SFTPB: variants seen among roughly 807,000 people sequenced by gnomAD.
The protein encoded by SFTPB is surfactant protein B, also known as pulmonary surfactant-associated protein B.
In SFTPB, 32 loss-of-function variants were observed where a neutral mutation model predicts 51.0. That is an observed-to-expected ratio of 0.63 (90% CI 0.47 to 0.84). SFTPB has a LOEUF of 0.84. Among genes scored for constraint, SFTPB ranks in the 40% least tolerant of loss-of-function variants. The pLI, the probability that SFTPB is intolerant of heterozygous loss-of-function variation, is 0.00. For synonymous variants in SFTPB, 211 were observed against 208.5 expected, an observed-to-expected ratio of 1.01 and a Z score of -0.10; for missense variants, 431 against 491.2, an observed-to-expected ratio of 0.88 and a Z score of 1.16.
chr2:85,666,404 TGTCCGGCC>T (rs1482208942), intron 4 of SFTPB: 1 of 532,138 alleles, frequency 1.9e-6, no homozygotes, highest in East Asian at 3.5e-5. Flanking sequence ...TGTGTGTGTG[TGTCCGGCC>T]AGCTGGGGTG....
intron 9 of SFTPB, 35 bp from the exon 10 acceptor site, chr2:85,661,570 G>T (rs760486731): frequency 7.1e-6 from 11 of 1,552,156 alleles, no homozygotes; most frequent in Non-Finnish European, 8.8e-6. Context: ...TGAGGCCTGG[G>T]CCCCCTCAGC....
chr2:85,661,707 C>T (rs1677308899), intron 9 of SFTPB, among the ~76,000 whole-genome samples, 172 bp from the exon 10 acceptor site: 1 of 152,154 alleles, frequency 6.6e-6, no homozygotes, highest in Non-Finnish European at 1.5e-5. Flanking sequence ...GGTTTAGAGC[C>T]TGAGGAGGTG....
chr2:85,663,925 G>T, intron 6 of SFTPB, 78 bp from the exon 7 acceptor site: 1 of 1,384,140 alleles, frequency 7.2e-7, no homozygotes, highest in Non-Finnish European at 9.8e-7. Context: ...ACCCAGCTGG[G>T]CACTTCCTAC....
rs1677507733 is a variant in SFTPB, at chr2:85,665,160, C to A, written c.672+129G>T. Reference sequence around the variant, plus strand: ...GGGTGGGGGCAATGCACAAGCGGCTCTCTCCCCTCCTAACTTCTGGCAGCC... The same window carrying A: ...GGGTGGGGGCAATGCACAAGCGGCTATCTCCCCTCCTAACTTCTGGCAGCC... On this transcript the variant is annotated intron_variant, in intron 6 of 10. Transcript: ENST00000519937. The A allele has an allele frequency of 3.8e-6, 3 of 799,348 alleles. No homozygotes were observed. In the Admixed American group the frequency reaches 5.1e-5, roughly 14 times the overall value. 49.5% of individuals were successfully genotyped at this position (799,348 alleles called of 1,614,324 possible).
chr2:85,657,586 G>A lies in SFTPB; in HGVS notation c.*2116C>T, dbSNP rs1020534120. ...GAAGATGGAAAAAGCCCCAAGCTCAGTGTCAAAACACACACCCTGCCGTAG... is the reference window on the plus strand; with the variant it reads ...GAAGATGGAAAAAGCCCCAAGCTCAATGTCAAAACACACACCCTGCCGTAG... On this transcript the variant is annotated 3_prime_UTR_variant, in exon 11 of 11. Coordinates refer to ENST00000519937, the MANE Select transcript of SFTPB (RefSeq NM_000542.5). 6.6e-6 allele frequency: 1 copy of A among 152,198 alleles called. No individual in the cohort carries two copies. The highest frequency in any genetic ancestry group is 1.5e-5 in the Non-Finnish European group (1 of 68,042). The allele number at this position is 152,198 out of a possible 1,614,324, so 9.4% of individuals were successfully genotyped here.
intron 5 of SFTPB, 92 bp downstream of exon 5, chr2:85,665,514 T>C: frequency 6.7e-7 from 1 of 1,501,176 alleles, no homozygotes; most frequent in Non-Finnish European, 9.2e-7. Context: ...CCTTCCCGGC[T>C]CTGCCTCTCC....
rs34073832 is a variant in SFTPB, at chr2:85,666,863, G to A, written c.268-121C>T. 468 of 1,305,944 alleles carry A rather than the reference G, an allele frequency of 3.6e-4. 2 individuals carry two copies. The highest frequency in any genetic ancestry group is 1.4e-3 in the Middle Eastern group (6 of 4,288). The allele number at this position is 1,305,944 out of a possible 1,614,324, so 80.9% of individuals were successfully genotyped here. A position where few individuals can be genotyped will look rare whatever the true frequency, so the allele number is the denominator to read the frequency against. ...AATCCCCCAGGGTGCTGGAGTTCACGAGTGCCAAGGAGTTAAGTAGTTGGG... is the reference window on the plus strand; with the variant it reads ...AATCCCCCAGGGTGCTGGAGTTCACAAGTGCCAAGGAGTTAAGTAGTTGGG... On this transcript the variant is annotated intron_variant, in intron 3 of 10. Coordinates refer to ENST00000519937, the MANE Select transcript of SFTPB (RefSeq NM_000542.5).
chr2:85,665,532 C>G (rs1677530762), intron 5 of SFTPB, 74 bp downstream of exon 5: 2 of 1,548,796 alleles, frequency 1.3e-6, no homozygotes, highest in East Asian at 2.3e-5. Flanking sequence ...TCCCAGGGCC[C>G]AGTGCCCATG....
intron 6 of SFTPB, among the ~76,000 whole-genome samples, chr2:85,664,901 G>A (rs1213618031): frequency 6.6e-6 from 1 of 152,222 alleles, no homozygotes; most frequent in South Asian, 2.1e-4. Flanking sequence ...GGCAAGGATG[G>A]GGAATCTATC....
Position 85,661,462 on chromosome 2 carries a change from C to G in SFTPB, c.*11G>C. 6.2e-7 allele frequency: 1 copy of G among 1,607,978 alleles called. No homozygotes were observed. The highest frequency in any genetic ancestry group is 8.5e-7 in the Non-Finnish European group (1 of 1,176,696). The stretch of plus-strand genomic sequence containing the variant: ...TGGGGGCCTGGACTCACCTGGACAG[C>G]TGAGTTCTCATCAAAGGTCGGGGCT... On this transcript the variant is annotated 3_prime_UTR_variant, in exon 10 of 11. Transcript: ENST00000519937.
chr2:85,660,467 T>C (rs1490535887), intron 10 of SFTPB, among the ~76,000 whole-genome samples: 1 of 117,820 alleles, frequency 8.5e-6, no homozygotes, highest in African/African-American at 4.3e-5. Flanking sequence ...TTTTTTTTCC[T>C]GAGACAGAGT....
At chr2:85,665,556 G>A in intron 5 of SFTPB, 50 bp downstream of exon 5, 11 of 1,597,478 alleles carry the variant, frequency 6.9e-6, no homozygotes, top group South Asian at 1.1e-5. Context: ...TTCGGAGGTG[G>A]CTCTAGCCCT....
chr2:85,662,222 A>T (rs1677343665), intron 8 of SFTPB, 113 bp from the exon 9 acceptor site: 1 of 1,536,380 alleles, frequency 6.5e-7, no homozygotes, highest in African/African-American at 1.4e-5. Context: ...CGACTCCTCC[A>T]TCAGCCCTCA....
chr2:85,665,880 T>G, intron 4 of SFTPB, 86 bp from the exon 5 acceptor site: 1 of 1,312,670 alleles, frequency 7.6e-7, no homozygotes, highest in Admixed American at 1.8e-5. Context: ...CAGGGACCAC[T>G]GGAATGGGAG....
At position 85,665,733 on chromosome 2, in the gene SFTPB, TGCTCTG is replaced by T; in HGVS notation, c.449_454del (p.Pro150_Glu151del). The T allele has an allele frequency of 6.2e-7, 1 of 1,614,224 alleles. No homozygotes were observed. Among genetic ancestry groups the T allele is most frequent in the Non-Finnish European group, 8.5e-7 (1 of 1,180,038 alleles). ...CAGGGGGTCTGACATCCCTGGCTCC[TGCTCTG>T]GCTCTGGCTGCCGGGATTTGCACAG... is the stretch of plus-strand genomic sequence containing the variant. On this transcript the variant is annotated inframe_deletion, in exon 5 of 11. Transcript: ENST00000519937.
chr2:85,666,169 GGTGT>G (rs56132282), intron 4 of SFTPB, among the ~76,000 whole-genome samples: 8 of 146,148 alleles, frequency 5.5e-5, no homozygotes, highest in East Asian at 2.0e-4. Flanking sequence ...TTGTGGACAG[GGTGT>G]GTGTGTGTGT....
chr2:85,660,323 C>T (rs1428590008), intron 10 of SFTPB, among the ~76,000 whole-genome samples: 4 of 117,748 alleles, frequency 3.4e-5, no homozygotes, highest in East Asian at 2.4e-4. Context: ...TTAGTAGATA[C>T]GGGGTTTCAT....
upstream of SFTPB, chr2:85,668,264 C>T: frequency 7.5e-7 from 1 of 1,329,004 alleles, no homozygotes; most frequent in African/African-American, 1.5e-5. Flanking sequence ...GTAGGAGTGG[C>T]AGCGACCTCA....
intron 9 of SFTPB, 136 bp downstream of exon 9, chr2:85,661,893 C>T (rs1677323296): frequency 1.3e-6 from 1 of 751,660 alleles, no homozygotes; most frequent in South Asian, 1.8e-5. Flanking sequence ...AGAGGGGTGC[C>T]TCCCAGTCCC....
Sources: allele counts gnomAD v4.1 joint callset (sites outside exome capture counted in the v4.1 genomes callset), GRCh38; gene constraint gnomAD v4.1.1; transcripts MANE v1.5; gene names NCBI Gene and HGNC (gene_info 2026-07-23, HGNC 2026-07-21).